Variants in NCKAP5 observed in about 807,000 individuals in gnomAD.
NCKAP5 encodes the protein NCK associated protein 5.
Under a neutral mutation model 167.0 loss-of-function variants are expected in NCKAP5, and 92 were observed. The observed-to-expected ratio is 0.55, with a 90% CI of 0.47 to 0.66. The LOEUF (loss-of-function observed/expected upper bound fraction) is 0.66. NCKAP5 is among the 30% of genes least tolerant of loss of function. NCKAP5 has a pLI of 0.00. For missense variants in NCKAP5, 2,378 were observed against 2,315.0 expected (o/e 1.03, Z -0.56); for synonymous variants, 891 against 877.4 (o/e 1.02, Z -0.27).
At chr2:132,883,501 C>T (rs1691955690) in intron 8 of NCKAP5, among the ~76,000 whole-genome samples, 1 of 152,092 alleles carries the variant, frequency 6.6e-6, no homozygotes, top group South Asian at 2.1e-4. Context: ...TTCCCCTTCA[C>T]AACCACGTCT....
intron 5 of NCKAP5, among the ~76,000 whole-genome samples, chr2:133,193,850 TC>T (rs2085329808): frequency 6.6e-6 from 1 of 152,056 alleles, no homozygotes; most frequent in African/African-American, 2.4e-5. Flanking sequence ...CTGATTTAAT[TC>T]CAAAGTATAT....
intron 8 of NCKAP5, among the ~76,000 whole-genome samples, chr2:132,929,109 C>T (rs1039802127): frequency 6.6e-6 from 1 of 152,156 alleles, no homozygotes. Context: ...CATGTGAGGA[C>T]ACAGCAAGCA....
chr2:132,954,441 G>A (rs961792437), intron 8 of NCKAP5, among the ~76,000 whole-genome samples: 2 of 152,078 alleles, frequency 1.3e-5, no homozygotes, highest in Admixed American at 6.6e-5. Flanking sequence ...AAAGATAATG[G>A]TATGCTTTAA....
At chr2:133,055,092 G>C (rs1291662197) in intron 6 of NCKAP5, among the ~76,000 whole-genome samples, 3 of 152,094 alleles carry the variant, frequency 2.0e-5, no homozygotes, top group Non-Finnish European at 4.4e-5. Context: ...GTGAGTAGTG[G>C]TGGTATCACA....
intron 4 of NCKAP5, among the ~76,000 whole-genome samples, chr2:133,274,058 A>G (rs2089629920): frequency 6.6e-6 from 1 of 151,830 alleles, no homozygotes; most frequent in Admixed American, 6.6e-5. Flanking sequence ...CCTCTAGACA[A>G]GGATCCTTCC....
At chr2:132,733,229 A>G (rs909535098) in intron 16 of NCKAP5, among the ~76,000 whole-genome samples, 1 of 152,248 alleles carries the variant, frequency 6.6e-6, no homozygotes, top group Admixed American at 6.5e-5. Flanking sequence ...TCTCCTGTTC[A>G]TATGATAATC....
chr2:133,457,022 C>T (rs112439857), intron 3 of NCKAP5, among the ~76,000 whole-genome samples: 78 of 152,210 alleles, frequency 5.1e-4, no homozygotes, highest in Non-Finnish European at 8.7e-4. Context: ...GTGCAGCATT[C>T]GTAGCAAAGG....
chr2:133,410,605 T>TAG (rs1688715049), intron 3 of NCKAP5, among the ~76,000 whole-genome samples: 1 of 152,174 alleles, frequency 6.6e-6, no homozygotes. Context: ...GCTCTGTGCT[T>TAG]CTCAGAGTGG....
chr2:133,183,550 G>C (rs1417250139), intron 5 of NCKAP5, among the ~76,000 whole-genome samples: 2 of 140,352 alleles, frequency 1.4e-5, no homozygotes, highest in Non-Finnish European at 3.1e-5. Context: ...CAGAAAAATG[G>C]GAATGGAGGG....
rs146958505 is a variant in NCKAP5 at position 133,010,701 on chromosome 2, C to T, written c.342-16462G>A. Among the ~76,000 whole-genome samples, 135 of 152,312 alleles carry T rather than the reference C, an allele frequency of 8.9e-4. 1 individual carries two copies. The highest frequency in any genetic ancestry group is 3.4e-3 in the Middle Eastern group (1 of 294). On this transcript the variant is annotated intron_variant, in intron 6 of 19. Coordinates refer to ENST00000409261, the MANE Select transcript of NCKAP5 (RefSeq NM_207363.3). ...CAATAACCACAACATTCCCCAACCA[C>T]AAGATTGACATTAAACAATAGTCAA...
At chr2:133,105,887 T>G (rs1330549019) in intron 6 of NCKAP5, among the ~76,000 whole-genome samples, 1 of 152,208 alleles carries the variant, frequency 6.6e-6, no homozygotes, top group Non-Finnish European at 1.5e-5. Flanking sequence ...CTTCCTAACA[T>G]GTTTATATTG....
intron 3 of NCKAP5, among the ~76,000 whole-genome samples, chr2:133,456,690 G>A (rs1027544900): frequency 6.4e-4 from 97 of 152,282 alleles, no homozygotes; most frequent in African/African-American, 2.3e-3. Flanking sequence ...CCCCAAATCA[G>A]TAATACATTA....
At chr2:132,888,202 C>A (rs187807095) in intron 8 of NCKAP5, among the ~76,000 whole-genome samples, 5 of 151,966 alleles carry the variant, frequency 3.3e-5, no homozygotes, top group African/African-American at 1.2e-4. Flanking sequence ...AGCATCAATG[C>A]GTTTGTTGGC....
At chr2:133,405,674 T>C (rs1169788010) in intron 3 of NCKAP5, among the ~76,000 whole-genome samples, 1 of 152,180 alleles carries the variant, frequency 6.6e-6, no homozygotes, top group Non-Finnish European at 1.5e-5. Context: ...AAATAAAGAG[T>C]AAAGTTTTTC....
chr2:133,333,110 T>G (rs74750906), intron 3 of NCKAP5, among the ~76,000 whole-genome samples: 1 of 152,352 alleles, frequency 6.6e-6, no homozygotes, highest in African/African-American at 2.4e-5. Flanking sequence ...ACTGGCAGGA[T>G]GAATACAAAG....
At chr2:132,992,072 G>A (rs2077465717) in intron 7 of NCKAP5, among the ~76,000 whole-genome samples, 3 of 152,172 alleles carry the variant, frequency 2.0e-5, no homozygotes, top group Admixed American at 2.0e-4. Context: ...AGTTCAGTAA[G>A]TGTTTGTTAA....
chr2:132,716,580 G>C (rs376880279), intron 19 of NCKAP5, among the ~76,000 whole-genome samples: 62 of 152,026 alleles, frequency 4.1e-4, no homozygotes, highest in Admixed American at 3.2e-3. Context: ...GAACTTGAGG[G>C]GGGTAACACT....
chr2:133,600,350 A>G, the NCKAP5 span, among the ~76,000 whole-genome samples: 3 of 152,268 alleles, frequency 2.0e-5, no homozygotes, highest in African/African-American at 4.8e-5. Flanking sequence ...GAGAGAGAAG[A>G]GGAAAGGGAC....
At chr2:133,518,344 ATTTTTTTT>A (rs751025050) in intron 2 of NCKAP5, among the ~76,000 whole-genome samples, 15 of 74,638 alleles carry the variant, frequency 2.0e-4, no homozygotes, top group South Asian at 6.7e-4. Context: ...ACAGTAAAGG[ATTTTTTTT>A]TTTTTTTTTT....
Sources: gnomAD v4.1 joint callset for allele counts (sites outside exome capture counted in the v4.1 genomes callset) on GRCh38, gnomAD v4.1.1 for gene constraint, MANE v1.5 for transcripts, NCBI Gene and HGNC (gene_info 2026-07-23, HGNC 2026-07-21) for gene names.